FBXO44: variants seen among roughly 807,000 people sequenced by gnomAD.
The protein encoded by FBXO44 is F-box only protein 44.
FBXO44 carries 25 observed loss-of-function variants against 33.5 expected under a neutral mutation model. The ratio of observed to expected loss-of-function variants is 0.75; its 90% CI spans 0.54 to 1.04. The LOEUF (loss-of-function observed/expected upper bound fraction) is 1.04. Among genes scored for constraint, FBXO44 ranks in the 50% least tolerant of loss-of-function variants. The pLI is 0.00. For missense variants in FBXO44, 311 were observed against 344.0 expected, an observed-to-expected ratio of 0.90 and a Z score of 0.76; for synonymous variants, 147 against 152.8, an observed-to-expected ratio of 0.96 and a Z score of 0.28.
In FBXO44 at chr1:11,661,154, C is replaced by T. The variant is rs1158526339; in HGVS notation, c.649C>T (p.Pro217Ser). ...REVSHTFSNY[P>S]PGVRYIWFQH... is the part of the protein sequence containing the mutation. ...GGTCTCCCACACATTCTCCAACTACCCGCCCGGCGTCCGCTACATCTGGTT... is the reference window on the plus strand; with the variant it reads ...GGTCTCCCACACATTCTCCAACTACTCGCCCGGCGTCCGCTACATCTGGTT... Residue 217 changes from proline to serine, a missense_variant, in exon 6 of 6, where the codon CCG becomes TCG. Pro to Ser is a moderately conservative substitution (Grantham distance 74). Transcript: ENST00000251547. This position sits in a 1 kb window ranked among gnomAD's most constrained non-coding sequence, Gnocchi z 4.4. The T allele has an allele frequency of 6.2e-7, 1 of 1,613,598 alleles. No individual in the cohort carries two copies. The highest frequency in any genetic ancestry group is 8.5e-7 in the Non-Finnish European group (1 of 1,179,604).
chr1:11,656,347 A>C (rs1570236799), intron 2 of FBXO44, among the ~76,000 whole-genome samples: 2 of 114,276 alleles, frequency 1.8e-5, no homozygotes, highest in African/African-American at 7.0e-5. Context: ...ACGGAGTTTC[A>C]CTCTGTCACC....
Position 11,661,139 on chromosome 1 carries a change from A to G in FBXO44, c.634A>G (p.Thr212Ala). The G allele has an allele frequency of 6.2e-7, 1 of 1,612,456 alleles. No homozygotes were observed. Among genetic ancestry groups the G allele is most frequent in the Non-Finnish European group, 8.5e-7 (1 of 1,179,012 alleles). The change falls in exon 6 of 6, where the codon ACA becomes GCA. Residue 212 changes from threonine to alanine, a missense_variant. Thr to Ala is a moderately conservative substitution (Grantham distance 58). Transcript: ENST00000251547. The surrounding 1 kb of genome is among the most constrained non-coding windows in gnomAD (Gnocchi z 4.4). ...CTACCTGCCCTGCCAGGTCTCCCAC[A>G]CATTCTCCAACTACCCGCCCGGCGT... ...SDAKWREVSH[T>A]FSNYPPGVRY...
intron 4 of FBXO44, 31 bp downstream of exon 4, chr1:11,658,659 G>A (rs12746243): frequency 2.5e-6 from 4 of 1,607,126 alleles, no homozygotes; most frequent in East Asian, 4.5e-5. Flanking sequence ...TCTGGGGTGG[G>A]GCATGCCAAT....
rs374073886 is a variant in FBXO44, at chr1:11,661,244, A to G, written c.739A>G (p.Ser247Gly). Residue 247 changes from serine (S) to glycine (G), a missense_variant, in exon 6 of 6, where the codon AGC (serine) becomes GGC (glycine). By Grantham distance (56) the Ser-to-Gly change is moderately conservative. Coordinates refer to ENST00000251547, the MANE Select transcript of FBXO44 (RefSeq NM_033182.7). This position sits in a 1 kb window ranked among gnomAD's most constrained non-coding sequence, Gnocchi z 4.4. ...GWYGPRVTNS[S>G]ITIGPPLP ...GTACGGCCCGAGGGTCACCAACAGC[A>G]GCATCACCATCGGGCCCCCGCTGCC... is the stretch of plus-strand genomic sequence containing the variant. 8.7e-5 allele frequency: 140 copies of G among 1,613,996 alleles called. No individual in the cohort carries two copies. The highest frequency in any genetic ancestry group is 1.1e-4 in the Non-Finnish European group (132 of 1,180,030).
At chr1:11,658,939 C>G in intron 5 of FBXO44, 68 bp downstream of exon 5, 1 of 1,581,318 alleles carries the variant, frequency 6.3e-7, no homozygotes, top group Non-Finnish European at 8.6e-7. Context: ...CAGACGGGGC[C>G]TAGGTTCAGA....
In FBXO44 at chr1:11,661,363, G is replaced by C; in HGVS notation, c.*90G>C. The C allele has an allele frequency of 6.4e-7, 1 of 1,574,212 alleles. No individual in the cohort carries two copies. Among genetic ancestry groups the C allele is most frequent in the Non-Finnish European group, 8.7e-7 (1 of 1,153,084 alleles). ...GCTTGGGAAGGGGAGGTGGAGGCCA[G>C]GTGTCCCCAGACCTCTAACCCTTGC... On this transcript the variant is annotated 3_prime_UTR_variant, in exon 6 of 6. Transcript: ENST00000251547. The surrounding 1 kb of genome is among the most constrained non-coding windows in gnomAD (Gnocchi z 4.4).
chr1:11,654,832 G>GCGCGGGGCGCGGGT (rs1553164392), upstream of FBXO44: 1 of 148,100 alleles, frequency 6.8e-6, no homozygotes, highest in African/African-American at 2.5e-5. Context: ...GCGGGGCGGG[G>GCGCGGGGCGCGGGT]CGCGGGGCGC....
upstream of FBXO44, chr1:11,654,502 C>A (rs1639630183): frequency 1.8e-6 from 1 of 563,040 alleles, no homozygotes; most frequent in Non-Finnish European, 2.7e-6. Context: ...TGGCCCCGCG[C>A]CCGGCCGCCC....
chr1:11,660,489 A>G (rs561837161), intron 5 of FBXO44, among the ~76,000 whole-genome samples: 1 of 152,334 alleles, frequency 6.6e-6, no homozygotes, highest in South Asian at 2.1e-4. Context: ...TAAATAATAC[A>G]TGTGCCCCGT....
intron 2 of FBXO44, among the ~76,000 whole-genome samples, chr1:11,657,866 C>CA (rs1015919733): frequency 3.3e-5 from 5 of 152,044 alleles, no homozygotes; most frequent in African/African-American, 1.2e-4. Context: ...GGCACTTTGC[C>CA]AAAAATGCTT....
In FBXO44 at chr1:11,661,779, G is replaced by T; in HGVS notation, c.*506G>T. On this transcript the variant is annotated 3_prime_UTR_variant, in exon 6 of 6. Coordinates refer to ENST00000251547, the MANE Select transcript of FBXO44 (RefSeq NM_033182.7). This position sits in a 1 kb window ranked among gnomAD's most constrained non-coding sequence, Gnocchi z 4.4. ...GGCTCATGGGCCGTGCTCTGCCCCT[G>T]TCTGCTGCTCCCAGTCTCTCGCTCT... 1 of 110,180 alleles carries T rather than the reference G, an allele frequency of 9.1e-6. No homozygotes were observed. The highest frequency in any genetic ancestry group is 2.2e-5 in the Non-Finnish European group (1 of 45,816). 6.8% of individuals were successfully genotyped at this position (110,180 alleles called of 1,614,324 possible).
At chr1:11,658,045 C>G (rs1639927851) in intron 2 of FBXO44, among the ~76,000 whole-genome samples, 2 of 152,164 alleles carry the variant, frequency 1.3e-5, no homozygotes, top group South Asian at 4.1e-4. Flanking sequence ...CTGGTCATTT[C>G]CATCACCATG....
In FBXO44 at chr1:11,661,770, T is replaced by G; in HGVS notation, c.*497T>G. ...TGGAGGGTGGGCTCATGGGCCGTGCTCTGCCCCTGTCTGCTGCTCCCAGTC... is the reference window on the plus strand; with the variant it reads ...TGGAGGGTGGGCTCATGGGCCGTGCGCTGCCCCTGTCTGCTGCTCCCAGTC... On this transcript the variant is annotated 3_prime_UTR_variant, in exon 6 of 6. Coordinates refer to ENST00000251547, the MANE Select transcript of FBXO44 (RefSeq NM_033182.7). The surrounding 1 kb of genome is among the most constrained non-coding windows in gnomAD (Gnocchi z 4.4). 1 of 152,538 alleles carries G rather than the reference T, an allele frequency of 6.6e-6. No homozygotes were observed. The highest frequency in any genetic ancestry group is 1.5e-5 in the Non-Finnish European group (1 of 68,908). The allele number at this position is 152,538 out of a possible 1,614,324, so 9.4% of individuals were successfully genotyped here.
At position 11,655,536 on chromosome 1, in the gene FBXO44, A is replaced by C. The variant is rs1639717849; in HGVS notation, c.-30-270A>C. ...CCTACTGAAAAAGGCTGGCCCTGGA[A>C]TCAAAGAAGATCCGGGCTTCTTCCC... On this transcript the variant is annotated intron_variant, in intron 1 of 5. Coordinates refer to ENST00000251547, the MANE Select transcript of FBXO44 (RefSeq NM_033182.7). The C allele has an allele frequency of 6.7e-6, 3 of 446,860 alleles. No homozygotes were observed. In the South Asian group the frequency reaches 9.2e-5, roughly 14 times the overall value. The allele number at this position is 446,860 out of a possible 1,614,324, so 27.7% of individuals were successfully genotyped here. A position where few individuals can be genotyped will look rare whatever the true frequency, so the allele number is the denominator to read the frequency against.
rs200005245 is a variant in FBXO44, at chr1:11,656,089, C to G, written c.254C>G (p.Pro85Arg). 2.5e-6 allele frequency: 4 copies of G among 1,613,548 alleles called. No homozygotes were observed. The African/African-American group carries it at 5.3e-5, about 22-fold the overall frequency. ...CTGCACAGGAACCTCCTGCACAACC[C>G]GTGCGCTGAAGGTGGGGTACAGGCC... ...RSLHRNLLHN[P>R]CAEEGFEFWS... The change falls in exon 2 of 6, where the codon CCG becomes CGG. Residue 85 changes from proline (P) to arginine (R), a missense_variant. Transcript: ENST00000251547.
chr1:11,658,218 G>A, intron 2 of FBXO44, 49 bp from the exon 3 acceptor site: 1 of 1,608,042 alleles, frequency 6.2e-7, no homozygotes, highest in Non-Finnish European at 8.5e-7. Context: ...TTGGGAGAAG[G>A]CGGCCACTGA....
intron 1 of FBXO44, 97 bp from the exon 2 acceptor site, chr1:11,655,705 GCATC>G: frequency 7.8e-7 from 1 of 1,274,644 alleles, no homozygotes; most frequent in Non-Finnish European, 1.1e-6. Flanking sequence ...TGGAGGTAAG[GCATC>G]CATTTACAGA....
intron 1 of FBXO44, among the ~76,000 whole-genome samples, 172 bp downstream of exon 1, chr1:11,655,124 G>C (rs923689980): frequency 4.6e-5 from 7 of 151,984 alleles, no homozygotes; most frequent in Admixed American, 3.3e-4. Flanking sequence ...CTGCGAACGG[G>C]GGCTGGGGTC....
At chr1:11,656,754 C>G (rs146597351) in intron 2 of FBXO44, among the ~76,000 whole-genome samples, 1 of 152,212 alleles carries the variant, frequency 6.6e-6, no homozygotes, top group Admixed American at 6.5e-5. Context: ...TGAGCCACCG[C>G]GCCCGGCCTC....
Sources: allele counts gnomAD v4.1 joint callset (sites outside exome capture counted in the v4.1 genomes callset), GRCh38; gene constraint gnomAD v4.1.1; non-coding constraint Gnocchi (gnomAD v3.1); transcripts MANE v1.5; gene names NCBI Gene and HGNC (gene_info 2026-07-23, HGNC 2026-07-21).